Variants in MAPKAPK2 observed in about 807,000 individuals in gnomAD.
MAPKAPK2 encodes MAP kinase-activated protein kinase 2.
MAPKAPK2 carries 9 observed loss-of-function variants against 48.8 expected under a neutral mutation model. The ratio of observed to expected loss-of-function variants is 0.18; its 90% CI spans 0.11 to 0.32. The LOEUF (loss-of-function observed/expected upper bound fraction) is 0.32. Ranked by LOEUF, MAPKAPK2 falls within the 10% of genes least tolerant of loss-of-function variation. MAPKAPK2 has a pLI of 1.00. For synonymous variants in MAPKAPK2, 202 were observed against 190.6 expected (o/e 1.06, Z -0.49); for missense variants, 331 against 498.3 (o/e 0.66, Z 3.20).
chr1:206,691,168 C>T (rs1482395671), intron 1 of MAPKAPK2, among the ~76,000 whole-genome samples: 1 of 152,158 alleles, frequency 6.6e-6, no homozygotes, highest in Non-Finnish European at 1.5e-5. Flanking sequence ...TGTTCAGTGG[C>T]ATGTCCAAGG....
chr1:206,707,214 G>C, intron 1 of MAPKAPK2, among the ~76,000 whole-genome samples: 1 of 152,030 alleles, frequency 6.6e-6, no homozygotes, highest in East Asian at 1.9e-4. Context: ...AGTCATTCCA[G>C]GGTGGGAGCA....
At chr1:206,686,851 T>A (rs1672301323) in intron 1 of MAPKAPK2, among the ~76,000 whole-genome samples, 1 of 152,230 alleles carries the variant, frequency 6.6e-6, no homozygotes, top group African/African-American at 2.4e-5. Context: ...AGTGCTTTGC[T>A]TTCTACTGTA....
chr1:206,699,601 A>G (rs1418287915), intron 1 of MAPKAPK2, among the ~76,000 whole-genome samples: 1 of 152,230 alleles, frequency 6.6e-6, no homozygotes, highest in East Asian at 1.9e-4. Flanking sequence ...CGAAGGAGGC[A>G]AGAAAAAGAA....
In MAPKAPK2 at chr1:206,732,134, T is replaced by C. The variant is rs1673935797; in HGVS notation, c.1059+215T>C. 1 of 1,614,008 alleles carries C rather than the reference T, an allele frequency of 6.2e-7. No homozygotes were observed. The highest frequency in any genetic ancestry group is 8.5e-7 in the Non-Finnish European group (1 of 1,180,022). ...CCTGTCCAAACTCAGTGCTGTTTCT[T>C]AGAATCCTTTTATTCCCTGGGTCTC... is the stretch of plus-strand genomic sequence containing the variant. On this transcript the variant is annotated intron_variant, in intron 9 of 9. Transcript: ENST00000367103. The surrounding 1 kb of genome is among the most constrained non-coding windows in gnomAD (Gnocchi z 4.4).
intron 1 of MAPKAPK2, among the ~76,000 whole-genome samples, chr1:206,696,553 G>C (rs912768468): frequency 6.6e-6 from 1 of 152,084 alleles, no homozygotes; most frequent in Admixed American, 6.6e-5. Flanking sequence ...AAATTAAAAA[G>C]GTTAGCCAGC....
chr1:206,714,537 C>T (rs905643562), intron 1 of MAPKAPK2, among the ~76,000 whole-genome samples: 8 of 151,484 alleles, frequency 5.3e-5, no homozygotes, highest in East Asian at 1.9e-4. Context: ...CTGAGGCAGG[C>T]GGATCACCTG....
At chr1:206,702,479 A>G in intron 1 of MAPKAPK2, among the ~76,000 whole-genome samples, 1 of 152,228 alleles carries the variant, frequency 6.6e-6, no homozygotes, top group East Asian at 1.9e-4. Context: ...GTGGAGCCCT[A>G]CAGGGACAGC....
chr1:206,685,655 C>A, intron 1 of MAPKAPK2, 147 bp downstream of exon 1: 2 of 515,966 alleles, frequency 3.9e-6, no homozygotes, highest in Non-Finnish European at 5.0e-6. Flanking sequence ...GCCGGCGGTG[C>A]CGAGTGCGGC....
chr1:206,724,922 A>G (rs1023326527), intron 1 of MAPKAPK2, among the ~76,000 whole-genome samples: 11 of 152,232 alleles, frequency 7.2e-5, no homozygotes, highest in Admixed American at 5.9e-4. Flanking sequence ...AAACTACCCT[A>G]TATAGAGTTT....
chr1:206,714,138 C>T (rs1287472995), intron 1 of MAPKAPK2, among the ~76,000 whole-genome samples: 8 of 152,158 alleles, frequency 5.3e-5, no homozygotes, highest in Non-Finnish European at 8.8e-5. Flanking sequence ...TGTCCTAGAT[C>T]CACCAAACAG....
intron 1 of MAPKAPK2, 55 bp downstream of exon 1, chr1:206,685,563 C>T: frequency 7.3e-7 from 1 of 1,365,080 alleles, no homozygotes; most frequent in Non-Finnish European, 9.5e-7. Context: ...CCTGGAGCTC[C>T]ACGGCGTCGG....
At chr1:206,705,177 A>C (rs922909421) in intron 1 of MAPKAPK2, among the ~76,000 whole-genome samples, 4 of 152,122 alleles carry the variant, frequency 2.6e-5, no homozygotes, top group Admixed American at 6.5e-5. Context: ...GGGTCAGCAC[A>C]AGTTGGAGAG....
In MAPKAPK2 at chr1:206,729,837, C is replaced by T. The variant is rs781877180; in HGVS notation, c.565-135C>T. 6.9e-5 allele frequency: 75 copies of T among 1,081,340 alleles called. No individual in the cohort carries two copies. The South Asian group carries it at 7.5e-4, about 11-fold the overall frequency. The allele number at this position is 1,081,340 out of a possible 1,614,324, so 67.0% of individuals were successfully genotyped here. On this transcript the variant is annotated intron_variant, in intron 4 of 9. Coordinates refer to ENST00000367103, the MANE Select transcript of MAPKAPK2 (RefSeq NM_032960.4). ...CTGCCCATAGAGAGCTGCCACTCCT[C>T]GTGGTGGGCAGTGCCCAGGATAGGC...
intron 1 of MAPKAPK2, among the ~76,000 whole-genome samples, chr1:206,713,081 A>G (rs1673210663): frequency 6.6e-6 from 1 of 152,044 alleles, no homozygotes; most frequent in South Asian, 2.1e-4. Flanking sequence ...CCTAAATGCC[A>G]TGTACCGGGT....
Position 206,731,298 on chromosome 1 carries a change from C to T in MAPKAPK2, c.892+36C>T. ...AGGCTTTCAGGACAAGGGGAAGAGCCCGTGTGTGTGTGTGTGTGTGTATGT... is the reference window on the plus strand; with the variant it reads ...AGGCTTTCAGGACAAGGGGAAGAGCTCGTGTGTGTGTGTGTGTGTGTATGT... On this transcript the variant is annotated intron_variant, in intron 7 of 9. Coordinates refer to ENST00000367103, the MANE Select transcript of MAPKAPK2 (RefSeq NM_032960.4). This position sits in a 1 kb window ranked among gnomAD's most constrained non-coding sequence, Gnocchi z 5.9. The T allele has an allele frequency of 6.2e-7, 1 of 1,600,392 alleles. No homozygotes were observed. The highest frequency in any genetic ancestry group is 1.7e-5 in the Admixed American group (1 of 58,820).
intron 1 of MAPKAPK2, among the ~76,000 whole-genome samples, chr1:206,712,192 A>G (rs1475641210): frequency 6.6e-6 from 1 of 152,152 alleles, no homozygotes; most frequent in East Asian, 1.9e-4. Context: ...GCTTTTAACA[A>G]CGACAACAAA....
At chr1:206,696,991 A>G (rs1672648065) in intron 1 of MAPKAPK2, among the ~76,000 whole-genome samples, 1 of 151,842 alleles carries the variant, frequency 6.6e-6, no homozygotes, top group African/African-American at 2.4e-5. Flanking sequence ...TCTTCCCTCT[A>G]CCCACTTGGA....
rs548381343 is a variant in MAPKAPK2 at position 206,731,970 on chromosome 1, C to A, written c.1059+51C>A. On this transcript the variant is annotated intron_variant, in intron 9 of 9. Transcript: ENST00000367103. The surrounding 1 kb of genome is among the most constrained non-coding windows in gnomAD (Gnocchi z 5.9). The stretch of plus-strand genomic sequence containing the variant: ...GGCTCCAGGTGGGGTGGGCGGCTTG[C>A]GGGGAGTGCCCAGGTGTGAGGCGTG... 5.0e-6 allele frequency: 8 copies of A among 1,613,502 alleles called. No individual in the cohort carries two copies. Among genetic ancestry groups the A allele is most frequent in the Non-Finnish European group, 6.8e-6 (8 of 1,179,828 alleles).
chr1:206,704,234 A>G lies in MAPKAPK2; in HGVS notation c.279+18726A>G, dbSNP rs1249600106. ...ATGAACGCACTAGACTTTCTGGGAA[A>G]TGTTGAAGATTTACGCCTGTCTGAG... is the stretch of plus-strand genomic sequence containing the variant. On this transcript the variant is annotated intron_variant, in intron 1 of 9. Transcript: ENST00000367103. This position sits in a 1 kb window ranked among gnomAD's most constrained non-coding sequence, Gnocchi z 4.3. Among the ~76,000 whole-genome samples the G allele has an allele frequency of 1.3e-5, 2 of 152,228 alleles. No homozygotes were observed. Among genetic ancestry groups the G allele is most frequent in the Admixed American group, 6.5e-5 (1 of 15,282 alleles).
Sources: allele counts gnomAD v4.1 joint callset (sites outside exome capture counted in the v4.1 genomes callset), GRCh38; gene constraint gnomAD v4.1.1; non-coding constraint Gnocchi (gnomAD v3.1); transcripts MANE v1.5; gene names NCBI Gene and HGNC (gene_info 2026-07-23, HGNC 2026-07-21).